The following ATP8B4 variants were observed in gnomAD, a reference collection of about 807,000 sequenced individuals.
ATP8B4 encodes the protein probable phospholipid-transporting ATPase IM.
ATP8B4 carries 133 observed loss-of-function variants against 145.6 expected under a neutral mutation model. The ratio of observed to expected loss-of-function variants is 0.91; its 90% CI spans 0.79 to 1.05. ATP8B4 has a LOEUF of 1.05. ATP8B4 is among the 50% of genes least tolerant of loss of function. The pLI is 0.00. For missense variants in ATP8B4, 1,458 were observed against 1,425.2 expected (o/e 1.02, Z -0.37); for synonymous variants, 507 against 492.9 (o/e 1.03, Z -0.38).
intron 9 of ATP8B4, among the ~76,000 whole-genome samples, chr15:49,994,741 C>T (rs2047292245): frequency 6.6e-6 from 1 of 152,036 alleles, no homozygotes; most frequent in African/African-American, 2.4e-5. Flanking sequence ...CTAATCCAGC[C>T]TGGCTCCTTA....
At chr15:49,975,428 T>C in intron 12 of ATP8B4, among the ~76,000 whole-genome samples, 1 of 152,196 alleles carries the variant, frequency 6.6e-6, no homozygotes, top group South Asian at 2.1e-4. Context: ...AAGTCATCTC[T>C]AGATTACTTA....
chr15:50,019,924 C>A (rs1308826798), intron 6 of ATP8B4, among the ~76,000 whole-genome samples: 1 of 152,036 alleles, frequency 6.6e-6, no homozygotes, highest in Non-Finnish European at 1.5e-5. Flanking sequence ...GTTCCTCTCT[C>A]CACTATGTAG....
chr15:49,969,284 T>C (rs528085169), intron 13 of ATP8B4, among the ~76,000 whole-genome samples: 3 of 151,770 alleles, frequency 2.0e-5, no homozygotes, highest in African/African-American at 7.2e-5. Flanking sequence ...CAGAACAGAA[T>C]GGAAGGAGAT....
chr15:50,167,692 A>T (rs2140858344), intron 1 of ATP8B4, among the ~76,000 whole-genome samples: 1 of 152,314 alleles, frequency 6.6e-6, no homozygotes, highest in Admixed American at 6.5e-5. Context: ...AGGAATCAGA[A>T]AATTTGGGTT....
At chr15:50,009,587 G>A (rs2048572502) in intron 7 of ATP8B4, 1 of 417,728 alleles carries the variant, frequency 2.4e-6, no homozygotes, top group Admixed American at 2.9e-5. Flanking sequence ...CCCATCTAGT[G>A]CCCTTACACT....
chr15:50,105,255 G>GAAAAAAA (rs35342585), intron 2 of ATP8B4, among the ~76,000 whole-genome samples: 1 of 116,734 alleles, frequency 8.6e-6, no homozygotes. Context: ...ACTGAAATTT[G>GAAAAAAA]AAAAAAAAAA....
intron 3 of ATP8B4, among the ~76,000 whole-genome samples, chr15:50,056,510 G>A (rs920652076): frequency 3.3e-5 from 5 of 152,128 alleles, no homozygotes; most frequent in Non-Finnish European, 1.5e-5. Flanking sequence ...CCAGGTTAAT[G>A]CAGTATCAAG....
intron 1 of ATP8B4, among the ~76,000 whole-genome samples, chr15:50,161,948 A>T (rs563120873): frequency 6.6e-6 from 1 of 152,268 alleles, no homozygotes; most frequent in South Asian, 2.1e-4. Context: ...TTCTTGGAGG[A>T]CAGGTCTTGG....
chr15:50,157,305 AAG>A (rs1230996593), intron 1 of ATP8B4, among the ~76,000 whole-genome samples: 1 of 152,232 alleles, frequency 6.6e-6, no homozygotes, highest in African/African-American at 2.4e-5. Context: ...TTCTATCAAA[AAG>A]AGAGAGACTC....
chr15:50,056,814 C>T (rs914494830), intron 3 of ATP8B4, among the ~76,000 whole-genome samples: 1 of 151,580 alleles, frequency 6.6e-6, no homozygotes, highest in Non-Finnish European at 1.5e-5. Context: ...TATGTGTATA[C>T]ACACATATAA....
upstream of ATP8B4, among the ~76,000 whole-genome samples, chr15:50,119,752 C>CTTTTTTTTTTTTTTT (rs572570694): frequency 1.1e-5 from 1 of 91,606 alleles, no homozygotes; most frequent in African/African-American, 4.3e-5. Context: ...GTTTTTGTCA[C>CTTTTTTTTTTTTTTT]TTTTTTTTTT....
At chr15:50,024,007 T>C (rs2049814944) in intron 6 of ATP8B4, among the ~76,000 whole-genome samples, 1 of 152,068 alleles carries the variant, frequency 6.6e-6, no homozygotes. Flanking sequence ...TACTGGAAAA[T>C]TAGGTTCTAT....
intron 12 of ATP8B4, among the ~76,000 whole-genome samples, chr15:49,974,128 G>C (rs2045449031): frequency 7.3e-6 from 1 of 137,838 alleles, no homozygotes; most frequent in African/African-American, 2.8e-5. Context: ...TGTTGCCTAA[G>C]CTGGAGTGCA....
intron 2 of ATP8B4, among the ~76,000 whole-genome samples, chr15:50,086,901 G>T (rs1354551253): frequency 2.7e-5 from 2 of 74,666 alleles, no homozygotes; most frequent in Non-Finnish European, 4.8e-5. Context: ...AAATAATAGA[G>T]ATCTATATTA....
chr15:50,085,057 C>A (rs966318046), intron 2 of ATP8B4, among the ~76,000 whole-genome samples: 2 of 152,172 alleles, frequency 1.3e-5, no homozygotes, highest in Non-Finnish European at 2.9e-5. Context: ...TCAAGGCCAT[C>A]CACTAGCTCT....
Position 49,983,706 on chromosome 15 carries a change from G to A in ATP8B4, c.749-2412C>T, listed in dbSNP as rs76122699. On this transcript the variant is annotated intron_variant, in intron 10 of 27. Coordinates refer to ENST00000284509, the MANE Select transcript of ATP8B4 (RefSeq NM_024837.4). ...CACCTGTTTGAAAACTTACAATGGCGTCCCTAAGCTCTTAGGATAAAGACC... is the reference window on the plus strand; with the variant it reads ...CACCTGTTTGAAAACTTACAATGGCATCCCTAAGCTCTTAGGATAAAGACC... Among the ~76,000 whole-genome samples, 406 of 152,218 alleles carry A rather than the reference G, an allele frequency of 2.7e-3. 1 individual carries two copies. Among genetic ancestry groups the A allele is most frequent in the African/African-American group, 9.0e-3 (375 of 41,522 alleles).
At chr15:50,029,025 G>A (rs949272368) in intron 6 of ATP8B4, among the ~76,000 whole-genome samples, 4 of 151,784 alleles carry the variant, frequency 2.6e-5, no homozygotes, top group Non-Finnish European at 5.9e-5. Context: ...ATGAGGTCAG[G>A]AGATTGAGAC....
chr15:49,861,911 C>A (rs975873212), intron 27 of ATP8B4, among the ~76,000 whole-genome samples: 1 of 152,308 alleles, frequency 6.6e-6, no homozygotes, highest in Admixed American at 6.5e-5. Flanking sequence ...AAATCAGTAT[C>A]TTTTCCTATA....
At chr15:49,950,590 TA>T (rs766902500) in intron 14 of ATP8B4, among the ~76,000 whole-genome samples, 1,077 of 46,308 alleles carry the variant, frequency 0.023, 19 homozygotes, top group East Asian at 0.038. Context: ...ATGTATTAAC[TA>T]AAAAAAAAAA....
Sources: allele counts gnomAD v4.1 joint callset (sites outside exome capture counted in the v4.1 genomes callset), GRCh38; gene constraint gnomAD v4.1.1; transcripts MANE v1.5; gene names NCBI Gene and HGNC (gene_info 2026-07-23, HGNC 2026-07-21).